SNX6: variants seen among roughly 807,000 people sequenced by gnomAD.
SNX6 encodes the protein sorting nexin-6.
A neutral mutation model predicts 63.0 loss-of-function variants in SNX6; 34 were observed. That is an observed-to-expected ratio of 0.54 (90% CI 0.41 to 0.72). The LOEUF (loss-of-function observed/expected upper bound fraction) is 0.72, where lower values mean the gene tolerates loss of function less well. Among genes scored for constraint, SNX6 ranks in the 30% least tolerant of loss-of-function variants. The pLI, the probability that SNX6 is intolerant of heterozygous loss-of-function variation, is 0.00. For synonymous variants in SNX6, 170 were observed against 164.2 expected (o/e 1.04, Z -0.27); for missense variants, 398 against 471.4 (o/e 0.84, Z 1.44).
At chr14:34,615,445 C>T (rs1020727077) in intron 2 of SNX6, among the ~76,000 whole-genome samples, 27 of 152,124 alleles carry the variant, frequency 1.8e-4, no homozygotes, top group African/African-American at 5.8e-4. Context: ...TGTTCTCGAC[C>T]TCCTGGGCTT....
At chr14:34,629,542 A>G in intron 2 of SNX6, 1 of 534,366 alleles carries the variant, frequency 1.9e-6, no homozygotes, top group Non-Finnish European at 3.6e-6. Context: ...TGCCGCTGGG[A>G]AGGTCCGAGA....
intron 8 of SNX6, among the ~76,000 whole-genome samples, chr14:34,586,550 A>T (rs537202942): frequency 5.9e-5 from 9 of 151,960 alleles, no homozygotes; most frequent in Admixed American, 2.6e-4. Flanking sequence ...TCTATCAAAA[A>T]TAAAAAAATC....
intron 9 of SNX6, among the ~76,000 whole-genome samples, chr14:34,582,702 C>A (rs922962599): frequency 6.6e-6 from 1 of 152,042 alleles, no homozygotes; most frequent in Non-Finnish European, 1.5e-5. Flanking sequence ...CTCACCAAGC[C>A]TGGCTAATTT....
At chr14:34,593,007 A>G (rs373746752) in intron 8 of SNX6, 38 bp downstream of exon 8, 1 of 1,309,722 alleles carries the variant, frequency 7.6e-7, no homozygotes, top group Non-Finnish European at 1.1e-6. Flanking sequence ...TAATTATTCC[A>G]TTAAAAGATA....
At chr14:34,608,878 A>G (rs1320332561) in intron 3 of SNX6, among the ~76,000 whole-genome samples, 1 of 152,092 alleles carries the variant, frequency 6.6e-6, no homozygotes, top group East Asian at 1.9e-4. Flanking sequence ...AAATACAAAA[A>G]TTAGCCGGGC....
At position 34,575,825 on chromosome 14, in the gene SNX6, C is replaced by T. The variant is rs779306036; in HGVS notation, c.852G>A (p.Val284=). Residue 284 remains valine, a synonymous_variant, in exon 11 of 14, where the codon GTG becomes GTA. Transcript: ENST00000362031. The part of the protein sequence containing the change: ...FDKTRKIEAR[V]SADEDLKLSD... ...AAAGTTTGAGGTCTTCATCAGCAGA[C>T]ACTCGTGCTTCTATTTTCTGAAAAG... is the stretch of plus-strand genomic sequence containing the variant. 2.8e-5 allele frequency: 45 copies of T among 1,587,690 alleles called. No homozygotes were observed. The highest frequency in any genetic ancestry group is 3.8e-5 in the Non-Finnish European group (44 of 1,166,258).
intron 13 of SNX6, among the ~76,000 whole-genome samples, chr14:34,565,623 C>T (rs768644498): frequency 1.3e-5 from 2 of 150,734 alleles, no homozygotes; most frequent in African/African-American, 4.9e-5. Context: ...TTCGAGCGAT[C>T]GTCTCGCCTC....
Position 34,572,054 on chromosome 14 carries a change from C to T in SNX6, c.921+3702G>A, listed in dbSNP as rs114751566. ...TGGATCACTGGATAGTATATTTCGC[C>T]TTTTAAGAAACTATGAAGTTTTCCA... On this transcript the variant is annotated intron_variant, in intron 11 of 13. Transcript: ENST00000362031. 6.6e-3 allele frequency among the ~76,000 whole-genome samples: 999 copies of T among 150,906 alleles called. 11 individuals carry two copies. Among genetic ancestry groups the T allele is most frequent in the African/African-American group, 0.023 (958 of 41,024 alleles).
intron 2 of SNX6, among the ~76,000 whole-genome samples, chr14:34,620,898 T>A (rs1170439738): frequency 6.6e-6 from 1 of 151,820 alleles, no homozygotes. Context: ...ATTGAGATGG[T>A]GCCACTGCAC....
At chr14:34,603,142 G>C (rs1236788468) in intron 6 of SNX6, among the ~76,000 whole-genome samples, 1 of 151,352 alleles carries the variant, frequency 6.6e-6, no homozygotes, top group African/African-American at 2.4e-5. Context: ...GCTGGGCGTG[G>C]TGGCAGGCGC....
At chr14:34,586,192 C>G (rs569807618) in intron 9 of SNX6, 38 bp downstream of exon 9, 1 of 1,393,952 alleles carries the variant, frequency 7.2e-7, no homozygotes, top group Non-Finnish European at 1.0e-6. Flanking sequence ...TGAGCCACCG[C>G]GCCCAGCCTA....
chr14:34,618,498 G>C lies in SNX6; in HGVS notation c.55-8756C>G, dbSNP rs138926021. ...CCCTAGTAGCTGGAATTACAGACGTGCGACACCATGCCCAGCTAATTTTTG... is the reference window on the plus strand; with the variant it reads ...CCCTAGTAGCTGGAATTACAGACGTCCGACACCATGCCCAGCTAATTTTTG... On this transcript the variant is annotated intron_variant, in intron 2 of 13. Transcript: ENST00000362031. Among the ~76,000 whole-genome samples the C allele has an allele frequency of 5.3e-5, 8 of 152,188 alleles. No homozygotes were observed. In the East Asian group the frequency reaches 1.5e-3, roughly 29 times the overall value.
chr14:34,600,194 A>C (rs1882755495), intron 6 of SNX6, among the ~76,000 whole-genome samples: 1 of 152,054 alleles, frequency 6.6e-6, no homozygotes, highest in South Asian at 2.1e-4. Flanking sequence ...GCACAATCTC[A>C]GCTCACTGCA....
chr14:34,609,357 TG>T (rs2138356743), intron 3 of SNX6, among the ~76,000 whole-genome samples: 1 of 151,494 alleles, frequency 6.6e-6, no homozygotes, highest in South Asian at 2.1e-4. Context: ...GGTGGACGCC[TG>T]TAGTCCCAGC....
At chr14:34,600,756 G>A (rs1030346546) in intron 6 of SNX6, among the ~76,000 whole-genome samples, 3 of 152,006 alleles carry the variant, frequency 2.0e-5, no homozygotes, top group Non-Finnish European at 2.9e-5. Context: ...CAATCACCTC[G>A]GCCAGGCATG....
chr14:34,612,187 C>A (rs1383551969), intron 2 of SNX6, among the ~76,000 whole-genome samples: 1 of 152,136 alleles, frequency 6.6e-6, no homozygotes, highest in South Asian at 2.1e-4. Flanking sequence ...GCAATCCTTT[C>A]ACCTTGGCCT....
chr14:34,610,328 C>A (rs1883177792), intron 2 of SNX6, among the ~76,000 whole-genome samples: 2 of 136,416 alleles, frequency 1.5e-5, no homozygotes, highest in African/African-American at 2.7e-5. Flanking sequence ...GAACTCCAGC[C>A]TGGATGACAG....
chr14:34,592,433 A>C (rs190545882), intron 8 of SNX6, among the ~76,000 whole-genome samples: 1 of 152,020 alleles, frequency 6.6e-6, no homozygotes, highest in East Asian at 1.9e-4. Flanking sequence ...TATAGAGACT[A>C]CTCGTCCAGT....
At chr14:34,624,358 C>G (rs531938280) in intron 2 of SNX6, among the ~76,000 whole-genome samples, 1 of 152,176 alleles carries the variant, frequency 6.6e-6, no homozygotes, top group African/African-American at 2.4e-5. Flanking sequence ...ATCTCGGCCT[C>G]GCAAAGTGCT....
Sources: gnomAD v4.1 joint callset for allele counts (sites outside exome capture counted in the v4.1 genomes callset) on GRCh38, gnomAD v4.1.1 for gene constraint, MANE v1.5 for transcripts, NCBI Gene and HGNC (gene_info 2026-07-23, HGNC 2026-07-21) for gene names.